Variants in PREX1 observed in about 807,000 individuals in gnomAD.
PREX1 encodes the protein phosphatidylinositol-3,4,5-trisphosphate dependent Rac exchange factor 1, also known as phosphatidylinositol 3,4,5-trisphosphate-dependent Rac exchanger 1 protein.
A neutral mutation model predicts 198.3 loss-of-function variants in PREX1; 41 were observed. That is an observed-to-expected ratio of 0.21 (90% CI 0.16 to 0.27). The LOEUF is 0.27. Among genes scored for constraint, PREX1 ranks in the 10% least tolerant of loss-of-function variants. The probability of loss-of-function intolerance (pLI) is 1.00; values close to 1 mark genes in which losing one functional copy is unlikely to be tolerated. For synonymous variants in PREX1, 843 were observed against 887.2 expected, an observed-to-expected ratio of 0.95 and a Z score of 0.89; for missense variants, 1,620 against 2,200.7, an observed-to-expected ratio of 0.74 and a Z score of 5.28.
At chr20:48,832,277 A>T (rs1290807442), upstream of PREX1, among the ~76,000 whole-genome samples, 3 of 152,082 alleles carry the variant, frequency 2.0e-5, no homozygotes. Context: ...GTTGAGGGGG[A>T]GAAGATTCTG....
At chr20:48,831,390 G>A (rs879781579), upstream of PREX1, among the ~76,000 whole-genome samples, 2 of 152,200 alleles carry the variant, frequency 1.3e-5, no homozygotes, top group Non-Finnish European at 2.9e-5. Flanking sequence ...AGAGAGAAGA[G>A]GAGCTAGCAT....
the PREX1 span, among the ~76,000 whole-genome samples, chr20:48,871,990 T>A: frequency 6.6e-6 from 1 of 151,658 alleles, no homozygotes; most frequent in Non-Finnish European, 1.5e-5. Context: ...AAACCCCGTC[T>A]CTACTAAAAA....
chr20:48,736,303 A>G (rs1054113945), intron 3 of PREX1, among the ~76,000 whole-genome samples: 3 of 152,190 alleles, frequency 2.0e-5, no homozygotes, highest in African/African-American at 7.2e-5. Flanking sequence ...ACACACACAC[A>G]TACCACAAGA....
intron 10 of PREX1, 100 bp downstream of exon 10, chr20:48,688,557 C>T: frequency 6.8e-7 from 1 of 1,470,792 alleles, no homozygotes; most frequent in Non-Finnish European, 9.3e-7. Flanking sequence ...CCCAGGATGG[C>T]TCCTGGGCAG....
chr20:48,792,459 A>T (rs1487458335), intron 1 of PREX1, among the ~76,000 whole-genome samples: 8 of 151,908 alleles, frequency 5.3e-5, no homozygotes, highest in Admixed American at 5.2e-4. Flanking sequence ...AACAAGAGCA[A>T]AACTCCATCT....
chr20:48,634,816 C>A, intron 32 of PREX1, 41 bp from the exon 33 acceptor site: 1 of 1,569,120 alleles, frequency 6.4e-7, no homozygotes, highest in Non-Finnish European at 8.8e-7. Context: ...CAGATGCCAA[C>A]CCTGCCCCAG....
At chr20:48,640,782 G>A (rs1344469424) in intron 29 of PREX1, among the ~76,000 whole-genome samples, 1 of 151,844 alleles carries the variant, frequency 6.6e-6, no homozygotes, top group African/African-American at 2.4e-5. Flanking sequence ...TGGGTAGAAG[G>A]GTGAAAGAGT....
chr20:48,832,974 A>G (rs1464450438), upstream of PREX1, among the ~76,000 whole-genome samples: 1 of 152,210 alleles, frequency 6.6e-6, no homozygotes, highest in Admixed American at 6.5e-5. Flanking sequence ...GCCTTTGGAC[A>G]TTGTTGTAGC....
At chr20:48,718,053 G>C (rs1469793222) in intron 5 of PREX1, among the ~76,000 whole-genome samples, 1 of 152,204 alleles carries the variant, frequency 6.6e-6, no homozygotes, top group Non-Finnish European at 1.5e-5. Context: ...GTGTCCTCTA[G>C]TCTGCCACAG....
rs113458437 is a variant in PREX1 at position 48,725,929 on chromosome 20, G to A, written c.621+361C>T. Among the ~76,000 whole-genome samples, 73 of 152,310 alleles carry A rather than the reference G, an allele frequency of 4.8e-4. 1 individual carries two copies. Among genetic ancestry groups the A allele is most frequent in the African/African-American group, 1.7e-3 (70 of 41,576 alleles). On this transcript the variant is annotated intron_variant, in intron 5 of 39. Coordinates refer to ENST00000371941, the MANE Select transcript of PREX1 (RefSeq NM_020820.4). ...TCATGTAATTTGTCCAGGTCAAAGC[G>A]CATGACTCAGGCCCAAACCATTTGG...
chr20:48,811,173 TAAC>T (rs1416757325), intron 1 of PREX1, among the ~76,000 whole-genome samples: 1 of 144,998 alleles, frequency 6.9e-6, no homozygotes, highest in Non-Finnish European at 1.6e-5. Context: ...GGCAAGTAAA[TAAC>T]AATTTTTTTT....
intron 1 of PREX1, among the ~76,000 whole-genome samples, chr20:48,754,092 G>A (rs2090146187): frequency 6.6e-6 from 1 of 152,208 alleles, no homozygotes. Flanking sequence ...GAGAGACAGG[G>A]AGAAACTGAG....
chr20:48,713,725 A>AG, intron 5 of PREX1, among the ~76,000 whole-genome samples: 1 of 148,286 alleles, frequency 6.7e-6, no homozygotes, highest in South Asian at 2.1e-4. Flanking sequence ...TGACAGAACG[A>AG]ACCTGTCTCT....
At chr20:48,784,671 C>T (rs1452189984) in intron 1 of PREX1, among the ~76,000 whole-genome samples, 1 of 152,204 alleles carries the variant, frequency 6.6e-6, no homozygotes, top group Non-Finnish European at 1.5e-5. Context: ...GACCTGCCCA[C>T]AGGAACTGGG....
intron 11 of PREX1, 117 bp downstream of exon 11, chr20:48,681,118 G>A: frequency 1.1e-6 from 1 of 915,886 alleles, no homozygotes; most frequent in Non-Finnish European, 1.7e-6. Context: ...ACTGTGCCCA[G>A]AAAACACGGC....
chr20:48,673,455 T>A (rs1050814866), intron 14 of PREX1, among the ~76,000 whole-genome samples: 6 of 152,158 alleles, frequency 3.9e-5, no homozygotes, highest in African/African-American at 1.4e-4. Context: ...CTGGGAGCAA[T>A]GCCTCCCCTA....
At chr20:48,679,853 T>G in intron 11 of PREX1, 99 bp from the exon 12 acceptor site, 1 of 904,134 alleles carries the variant, frequency 1.1e-6, no homozygotes, top group Admixed American at 1.9e-5. Context: ...ACGCCCCCTC[T>G]GCCCCTCCCA....
chr20:48,634,161 T>A (rs368039234), intron 33 of PREX1, among the ~76,000 whole-genome samples: 4 of 102,774 alleles, frequency 3.9e-5, no homozygotes, highest in African/African-American at 1.4e-4. Context: ...GATGGATGGA[T>A]GGATGGATGG....
intron 1 of PREX1, among the ~76,000 whole-genome samples, chr20:48,807,026 A>G (rs6012536): frequency 0.18 from 27,493 of 152,218 alleles, 2,658 homozygotes; most frequent in Middle Eastern, 0.3. Flanking sequence ...TCAACAGAAC[A>G]TAGCTGAAGA....
Sources: allele counts gnomAD v4.1 joint callset (sites outside exome capture counted in the v4.1 genomes callset), GRCh38; gene constraint gnomAD v4.1.1; transcripts MANE v1.5; gene names NCBI Gene and HGNC (gene_info 2026-07-23, HGNC 2026-07-21).